AUTS2: variants seen among roughly 807,000 people sequenced by gnomAD.
AUTS2 encodes activator of transcription and developmental regulator AUTS2.
In AUTS2, 17 loss-of-function variants were observed where a neutral mutation model predicts 112.4. That is an observed-to-expected ratio of 0.15 (90% CI 0.10 to 0.23). The LOEUF (loss-of-function observed/expected upper bound fraction) is 0.23. AUTS2 is among the 10% of genes least tolerant of loss of function. AUTS2 has a pLI of 1.00. For missense variants in AUTS2, 1,510 were observed against 1,701.6 expected (o/e 0.89, Z 1.98); for synonymous variants, 751 against 702.7 (o/e 1.07, Z -1.09).
intron 2 of AUTS2, among the ~76,000 whole-genome samples, chr7:70,038,955 C>A (rs1801128875): frequency 6.6e-6 from 1 of 151,988 alleles, no homozygotes; most frequent in Admixed American, 6.6e-5. Flanking sequence ...GACGGAGTTT[C>A]ACTGTGTTGG....
At chr7:70,328,508 C>T (rs1287987523) in intron 4 of AUTS2, among the ~76,000 whole-genome samples, 8 of 152,060 alleles carry the variant, frequency 5.3e-5, no homozygotes, top group South Asian at 2.1e-4. Context: ...AGGTGTAAGC[C>T]GCCATGCCCA....
intron 4 of AUTS2, among the ~76,000 whole-genome samples, chr7:70,408,032 C>A (rs1220736967): frequency 2.8e-5 from 4 of 141,488 alleles, no homozygotes; most frequent in African/African-American, 1.1e-4. Context: ...CCAGCCTGGG[C>A]GACAGAGCGA....
At chr7:69,635,406 G>A (rs751233959) in intron 1 of AUTS2, among the ~76,000 whole-genome samples, 18 of 152,202 alleles carry the variant, frequency 1.2e-4, no homozygotes, top group Non-Finnish European at 2.1e-4. Flanking sequence ...AAATACATCT[G>A]AGAATAATAA....
chr7:69,618,006 A>C (rs528150179), intron 1 of AUTS2, among the ~76,000 whole-genome samples: 1 of 152,356 alleles, frequency 6.6e-6, no homozygotes, highest in East Asian at 1.9e-4. Flanking sequence ...TACATGCATT[A>C]ACACATCTAA....
intron 1 of AUTS2, among the ~76,000 whole-genome samples, chr7:69,791,343 T>A (rs1789599574): frequency 6.6e-6 from 1 of 152,184 alleles, no homozygotes; most frequent in Admixed American, 6.5e-5. Context: ...GCTGCTATTG[T>A]GTCCAGAGGT....
intron 5 of AUTS2, among the ~76,000 whole-genome samples, chr7:70,514,993 T>G (rs924448760): frequency 6.6e-6 from 1 of 152,252 alleles, no homozygotes; most frequent in Non-Finnish European, 1.5e-5. Context: ...TGTATTTACC[T>G]GTAAAGCTCT....
chr7:70,267,281 T>A (rs536012980), intron 4 of AUTS2, among the ~76,000 whole-genome samples: 20 of 151,982 alleles, frequency 1.3e-4, no homozygotes, highest in African/African-American at 4.6e-4. Context: ...AATGTTTCTT[T>A]TTTTTTTTTT....
intron 15 of AUTS2, 139 bp downstream of exon 15, chr7:70,781,895 C>T (rs1791112166): frequency 3.7e-6 from 4 of 1,069,284 alleles, no homozygotes; most frequent in South Asian, 1.6e-5. Flanking sequence ...AAGGCAACAT[C>T]GCAGCACATC....
chr7:70,619,555 T>C (rs1377962833), intron 5 of AUTS2, among the ~76,000 whole-genome samples: 1 of 127,108 alleles, frequency 7.9e-6, no homozygotes, highest in African/African-American at 3.3e-5. Context: ...GAAGTGCTGG[T>C]CAAGGTATTA....
At chr7:70,357,529 G>A (rs756711107) in intron 4 of AUTS2, among the ~76,000 whole-genome samples, 2 of 152,162 alleles carry the variant, frequency 1.3e-5, no homozygotes, top group East Asian at 1.9e-4. Context: ...TCTCCCATCT[G>A]TCTGGCAACT....
At chr7:70,107,097 T>A (rs1040975891) in intron 2 of AUTS2, among the ~76,000 whole-genome samples, 3 of 152,194 alleles carry the variant, frequency 2.0e-5, no homozygotes, top group Admixed American at 1.3e-4. Flanking sequence ...AATGCCAGGA[T>A]GAAGACTTCT....
At chr7:70,247,600 T>C (rs1348504499) in intron 4 of AUTS2, among the ~76,000 whole-genome samples, 1 of 152,204 alleles carries the variant, frequency 6.6e-6, no homozygotes, top group Non-Finnish European at 1.5e-5. Flanking sequence ...TTGATTTTTG[T>C]ATATTGATTT....
At chr7:70,042,392 G>A (rs958706784) in intron 2 of AUTS2, among the ~76,000 whole-genome samples, 4 of 152,142 alleles carry the variant, frequency 2.6e-5, no homozygotes, top group Admixed American at 1.3e-4. Context: ...ACTGGAGCCA[G>A]GAGTGATAAT....
intron 1 of AUTS2, among the ~76,000 whole-genome samples, chr7:69,837,488 G>C (rs1184514210): frequency 6.6e-6 from 1 of 152,026 alleles, no homozygotes; most frequent in Non-Finnish European, 1.5e-5. Flanking sequence ...GCTGCTTCCT[G>C]CTTCATTATC....
intron 2 of AUTS2, among the ~76,000 whole-genome samples, chr7:69,972,671 A>ATGTGTG (rs769055659): frequency 4.7e-5 from 4 of 85,338 alleles, no homozygotes; most frequent in South Asian, 3.4e-4. Context: ...GTGTGCGTGC[A>ATGTGTG]TGTGTGTGTG....
At chr7:70,065,318 A>G (rs901177372) in intron 2 of AUTS2, among the ~76,000 whole-genome samples, 5 of 152,206 alleles carry the variant, frequency 3.3e-5, no homozygotes, top group Admixed American at 6.5e-5. Flanking sequence ...TTTATCTTTC[A>G]TCTACCAGAA....
At position 70,781,824 on chromosome 7, in the gene AUTS2, G is replaced by T. The variant is rs186052873; in HGVS notation, c.2146+68G>T. On this transcript the variant is annotated intron_variant, in intron 15 of 18. Coordinates refer to ENST00000342771, the MANE Select transcript of AUTS2 (RefSeq NM_015570.4). Reference sequence around the variant, plus strand: ...GTTCTCAGGTAACTAAATAAATGAGGTTTGGGCTCTGAGCTGCCGCTCAGT... The same window carrying T: ...GTTCTCAGGTAACTAAATAAATGAGTTTTGGGCTCTGAGCTGCCGCTCAGT... 4.6e-4 allele frequency: 724 copies of T among 1,561,562 alleles called. 2 individuals carry two copies. In the African/African-American group the frequency reaches 8.9e-3, roughly 19 times the overall value.
intron 5 of AUTS2, among the ~76,000 whole-genome samples, chr7:70,683,360 G>GT (rs1808301757): frequency 6.6e-6 from 1 of 152,150 alleles, no homozygotes; most frequent in Non-Finnish European, 1.5e-5. Flanking sequence ...TGACCACTGC[G>GT]TATCAACCCA....
At chr7:69,780,814 G>C (rs984863932) in intron 1 of AUTS2, among the ~76,000 whole-genome samples, 2 of 152,146 alleles carry the variant, frequency 1.3e-5, no homozygotes, top group Non-Finnish European at 2.9e-5. Flanking sequence ...TGCTATTCCT[G>C]AGTCTTTTTG....
Sources: allele counts gnomAD v4.1 joint callset (sites outside exome capture counted in the v4.1 genomes callset), GRCh38; gene constraint gnomAD v4.1.1; transcripts MANE v1.5; gene names NCBI Gene and HGNC (gene_info 2026-07-23, HGNC 2026-07-21).